TRPV1: variants seen among roughly 807,000 people sequenced by gnomAD.
TRPV1 encodes OTRPC1.
Under a neutral mutation model 82.3 loss-of-function variants are expected in TRPV1, and 82 were observed. That is an observed-to-expected ratio of 1.00 (90% confidence interval 0.83 to 1.20). The LOEUF is 1.20. Ranked by LOEUF, TRPV1 falls within the 50% of genes most tolerant of loss-of-function variation. The pLI is 0.00. For missense variants in TRPV1, 1,067 were observed against 1,096.8 expected (o/e 0.97, Z 0.38); for synonymous variants, 515 against 467.7 (o/e 1.10, Z -1.30).
chr17:3,589,432 C>T (rs1468067648), intron 7 of TRPV1, among the ~76,000 whole-genome samples: 1 of 152,070 alleles, frequency 6.6e-6, no homozygotes. Flanking sequence ...GAACTCCTAA[C>T]CTCAGGTGAT....
At chr17:3,577,521 G>T in intron 12 of TRPV1, 77 bp downstream of exon 12, 1 of 1,476,218 alleles carries the variant, frequency 6.8e-7, no homozygotes, top group African/African-American at 1.4e-5. Flanking sequence ...GAGGATGGGC[G>T]GAGTTCTTGG....
intron 10 of TRPV1, among the ~76,000 whole-genome samples, chr17:3,581,480 AAGAC>A (rs996447230): frequency 3.9e-5 from 6 of 152,266 alleles, no homozygotes; most frequent in Admixed American, 3.3e-4. Flanking sequence ...TGTGAAAAGA[AAGAC>A]AGTTGTCTCT....
At chr17:3,568,533 G>C (rs916248659) in intron 16 of TRPV1, among the ~76,000 whole-genome samples, 2 of 151,982 alleles carry the variant, frequency 1.3e-5, no homozygotes, top group Non-Finnish European at 2.9e-5. Context: ...TGGAACCCTC[G>C]AGCAGTTTTC....
chr17:3,589,722 G>T, intron 7 of TRPV1, 85 bp downstream of exon 7: 1 of 1,476,712 alleles, frequency 6.8e-7, no homozygotes, highest in East Asian at 2.3e-5. Context: ...AGATAGCGAC[G>T]CCAGGCTCCC....
intron 2 of TRPV1, among the ~76,000 whole-genome samples, chr17:3,598,298 T>G (rs1033044657): frequency 6.6e-6 from 1 of 152,150 alleles, no homozygotes; most frequent in Admixed American, 6.5e-5. Flanking sequence ...GACCCCTGAG[T>G]CAAGGCATTG....
intron 10 of TRPV1, among the ~76,000 whole-genome samples, chr17:3,581,816 T>C (rs1296519879): frequency 1.8e-4 from 23 of 128,364 alleles, no homozygotes; most frequent in Admixed American, 1.3e-3. Context: ...ACCCAGGAGG[T>C]GGAGGTTGCA....
intron 13 of TRPV1, among the ~76,000 whole-genome samples, chr17:3,576,487 C>T (rs1248907659): frequency 6.6e-6 from 1 of 151,186 alleles, no homozygotes; most frequent in Non-Finnish European, 1.5e-5. Context: ...CCCATCTCTA[C>T]TAAAAATACA....
At chr17:3,593,447 C>T (rs1303137630) in intron 2 of TRPV1, among the ~76,000 whole-genome samples, 1 of 152,134 alleles carries the variant, frequency 6.6e-6, no homozygotes, top group African/African-American at 2.4e-5. Flanking sequence ...CCTGCCCCAT[C>T]CCCATGCTTC....
rs751150763 is a variant in TRPV1 at position 3,592,045 on chromosome 17, G to C, written c.284+22C>G. 4 of 1,602,860 alleles carry C rather than the reference G, an allele frequency of 2.5e-6. No individual in the cohort carries two copies. The African/African-American group carries it at 4.0e-5, about 16-fold the overall frequency. On this transcript the variant is annotated intron_variant, in intron 3 of 16. Coordinates refer to ENST00000572705, the MANE Select transcript of TRPV1 (RefSeq NM_080704.4). Reference sequence around the variant, plus strand: ...GCCAGCTGGGCTCCCAGCAGGGAGGGGGGCTCCAGACGCGGACTTACCTGG... The same window carrying C: ...GCCAGCTGGGCTCCCAGCAGGGAGGCGGGCTCCAGACGCGGACTTACCTGG...
intron 5 of TRPV1, 142 bp from the exon 6 acceptor site, chr17:3,590,534 G>A (rs2075144287): frequency 3.8e-6 from 5 of 1,323,282 alleles, no homozygotes; most frequent in Non-Finnish European, 5.1e-6. Flanking sequence ...CCCCACTGCA[G>A]GAGGCCAGGC....
Position 3,573,863 on chromosome 17 carries a change from C to A in TRPV1, c.1873G>T (p.Asp625Tyr). The change falls in exon 14 of 17, where the codon GAT becomes TAT. Residue 625 changes from aspartate (D) to tyrosine (Y), a missense_variant. Transcript: ENST00000572705. ...RWRGPACRPP[D>Y]SSYNSLYSTC... ...GAGTACAGGCTGTTGTAGGAGCTAT[C>A]GGGGGGCCTGCAGGCAGGCCCCCGC... 6.5e-7 allele frequency: 1 copy of A among 1,539,674 alleles called. No homozygotes were observed. The highest frequency in any genetic ancestry group is 8.8e-7 in the Non-Finnish European group (1 of 1,136,332).
intron 2 of TRPV1, 24 bp from the exon 3 acceptor site, chr17:3,592,407 T>C: frequency 6.6e-7 from 1 of 1,522,300 alleles, no homozygotes; most frequent in Non-Finnish European, 8.8e-7. Context: ...CACGCCGGGG[T>C]TGACTCCCAA....
chr17:3,594,127 C>CAAAAAAAAAAAAAAAA (rs57620622), intron 2 of TRPV1, among the ~76,000 whole-genome samples: 1 of 46,492 alleles, frequency 2.2e-5, no homozygotes, highest in African/African-American at 1.7e-4. Flanking sequence ...AACTCTGTCT[C>CAAAAAAAAAAAAAAAA]AAAAAAAAAA....
At chr17:3,578,475 C>T (rs1425151586) in intron 11 of TRPV1, 1 of 152,142 alleles carries the variant, frequency 6.6e-6, no homozygotes, top group Non-Finnish European at 1.5e-5. Context: ...CACAGTGAAA[C>T]CCTGTCTCTA....
At chr17:3,583,029 C>G (rs1325525711) in intron 10 of TRPV1, among the ~76,000 whole-genome samples, 1 of 151,716 alleles carries the variant, frequency 6.6e-6, no homozygotes. Flanking sequence ...AATTAAAAAA[C>G]TACCAGTCAT....
At chr17:3,604,667 A>T (rs1046743306) in intron 2 of TRPV1, among the ~76,000 whole-genome samples, 2 of 152,132 alleles carry the variant, frequency 1.3e-5, no homozygotes, top group Non-Finnish European at 1.5e-5. Flanking sequence ...AGAACATGAA[A>T]GCCACATACA....
intron 8 of TRPV1, 133 bp from the exon 9 acceptor site, chr17:3,586,059 G>T: frequency 8.6e-7 from 1 of 1,157,094 alleles, no homozygotes; most frequent in Non-Finnish European, 1.2e-6. Flanking sequence ...GAGATGGGAG[G>T]TCTGAGCCAG....
intron 2 of TRPV1, among the ~76,000 whole-genome samples, chr17:3,598,976 T>G (rs2075242580): frequency 6.7e-6 from 1 of 150,068 alleles, no homozygotes; most frequent in Non-Finnish European, 1.5e-5. Flanking sequence ...CGGTGGCTCA[T>G]GCCTGTAACC....
chr17:3,585,777 C>A lies in TRPV1; in HGVS notation c.1374G>T (p.Val458=), dbSNP rs200382387. The part of the protein sequence containing the change: ...IFTMAAYYRP[V]DGLPPFKMEK... ...GAGCCTCTGGCCGCACCAAGCCATC[C>A]ACGGGCCTGTAGTAGGCAGCCATGG... The change falls in exon 9 of 17, where the codon GTG becomes GTT. Residue 458 remains valine, a synonymous_variant. Coordinates refer to ENST00000572705, the MANE Select transcript of TRPV1 (RefSeq NM_080704.4). 106 of 1,613,218 alleles carry A rather than the reference C, an allele frequency of 6.6e-5. 1 individual carries two copies. In the East Asian group the frequency reaches 2.3e-3, roughly 34 times the overall value.
Sources: gnomAD v4.1 joint callset for allele counts (sites outside exome capture counted in the v4.1 genomes callset) on GRCh38, gnomAD v4.1.1 for gene constraint, MANE v1.5 for transcripts, NCBI Gene and HGNC (gene_info 2026-07-23, HGNC 2026-07-21) for gene names.